Variants in MAX observed in about 807,000 individuals in gnomAD.
MAX encodes protein max.
A neutral mutation model predicts 22.3 loss-of-function variants in MAX; 3 were observed. That is an observed-to-expected ratio of 0.13 (90% CI 0.06 to 0.35). The LOEUF is 0.35. MAX is among the 10% of genes least tolerant of loss of function. The pLI is 1.00. For missense variants in MAX, 119 were observed against 209.4 expected (o/e 0.57, Z 2.66); for synonymous variants, 72 against 77.7 (o/e 0.93, Z 0.39).
intron 2 of MAX, chr14:65,094,347 T>C (rs2063600548): frequency 5.7e-6 from 1 of 174,998 alleles, no homozygotes; most frequent in African/African-American, 2.4e-5. Flanking sequence ...TCTCACCAAA[T>C]CATACAACAG....
chr14:65,037,402 CCTTT>C (rs2062219327), intron 3 of MAX, among the ~76,000 whole-genome samples: 589 of 14,526 alleles, frequency 0.041, 255 homozygotes, highest in South Asian at 0.15. Context: ...CACGCCGGGC[CCTTT>C]TTTTTTTTTT....
chr14:65,074,223 T>C (rs762583261), downstream of MAX, among the ~76,000 whole-genome samples: 1 of 152,248 alleles, frequency 6.6e-6, no homozygotes, highest in Non-Finnish European at 1.5e-5. Context: ...TTGAGGGCTT[T>C]AGGCAATAAG....
rs1016375993 is a variant in MAX, at chr14:65,076,765, G to T, written c.296-102C>A. The T allele has an allele frequency of 1.4e-6, 2 of 1,413,428 alleles. No individual in the cohort carries two copies. Among genetic ancestry groups the T allele is most frequent in the East Asian group, 2.3e-5 (1 of 43,784 alleles). 87.6% of individuals were successfully genotyped at this position (1,413,428 alleles called of 1,614,324 possible). ...GCCTGTTCTTCCTAAGGGCTTGCTT[G>T]TTGGCCCCCGAGGCTCAAGATGCTC... On this transcript the variant is annotated intron_variant, in intron 4 of 4. Transcript: ENST00000358664. The surrounding 1 kb of genome is among the most constrained non-coding windows in gnomAD (Gnocchi z 6.6).
chr14:65,037,736 T>C (rs1595070036), intron 3 of MAX, among the ~76,000 whole-genome samples: 2 of 74,942 alleles, frequency 2.7e-5, no homozygotes, highest in East Asian at 1.0e-3. Flanking sequence ...CTTATTTATT[T>C]ATTTATTATT....
chr14:65,092,662 A>T (rs1566620659), intron 3 of MAX, among the ~76,000 whole-genome samples: 1 of 152,234 alleles, frequency 6.6e-6, no homozygotes, highest in African/African-American at 2.4e-5. Flanking sequence ...TATAAAGGTC[A>T]GAACTTCTCC....
chr14:65,014,645 C>G lies in MAX; in HGVS notation c.172-8361G>C, dbSNP rs1290656919. On this transcript the variant is annotated intron_variant, in intron 3 of 3. Coordinates refer to the MAX transcript ENST00000341653. This position sits in a 1 kb window ranked among gnomAD's most constrained non-coding sequence, Gnocchi z 5.1. ...CCTGGGCAACATAGTGGGATGCTGT[C>G]TCTATAAAAACTTAAAAAATTAGCC... is the stretch of plus-strand genomic sequence containing the variant. Among the ~76,000 whole-genome samples the G allele has an allele frequency of 6.6e-6, 1 of 152,102 alleles. No individual in the cohort carries two copies. Among genetic ancestry groups the G allele is most frequent in the Non-Finnish European group, 1.5e-5 (1 of 68,032 alleles).
intron 3 of MAX, among the ~76,000 whole-genome samples, chr14:65,024,468 GTCTC>G (rs1181911070): frequency 1.3e-5 from 2 of 152,158 alleles, no homozygotes; most frequent in Admixed American, 6.5e-5. Flanking sequence ...GCAGGACTGG[GTCTC>G]TGTATTCTTT....
intron 3 of MAX, among the ~76,000 whole-genome samples, chr14:65,036,512 T>C (rs1314854700): frequency 1.3e-5 from 2 of 151,986 alleles, no homozygotes; most frequent in African/African-American, 4.8e-5. Context: ...GCTGGGATTA[T>C]AGGCGTGAGC....
In MAX at chr14:65,062,261, T is replaced by G. The variant is rs1271907511; in HGVS notation, c.171+31447A>C. 6 of 152,274 alleles carry G rather than the reference T, an allele frequency of 3.9e-5. No individual in the cohort carries two copies. The highest frequency in any genetic ancestry group is 8.8e-5 in the Non-Finnish European group (6 of 68,054). The allele number at this position is 152,274 out of a possible 1,614,324, so 9.4% of individuals were successfully genotyped here. On this transcript the variant is annotated intron_variant, in intron 3 of 3. Coordinates refer to the MAX transcript ENST00000341653. The surrounding 1 kb of genome is among the most constrained non-coding windows in gnomAD (Gnocchi z 4.3). ...ATTAACACTACTAAGTCTTTCACCT[T>G]AACTTATGACTCAGGATTTATTCAC...
intron 3 of MAX, chr14:65,083,698 C>G: frequency 9.6e-7 from 1 of 1,037,504 alleles, no homozygotes; most frequent in South Asian, 4.2e-5. Context: ...CCCCTAAGAA[C>G]CAAAATGCCA....
rs2063414348 is a variant in MAX, at chr14:65,088,765, T to C, written c.171+4943A>G. Among the ~76,000 whole-genome samples, 1 of 152,218 alleles carries C rather than the reference T, an allele frequency of 6.6e-6. No individual in the cohort carries two copies. Among genetic ancestry groups the C allele is most frequent in the South Asian group, 2.1e-4 (1 of 4,830 alleles). ...CTCCCTGCCTTCACGGTACTTATTG[T>C]AGTGTAGTGCCAGCAGACAGTCATT... On this transcript the variant is annotated intron_variant, in intron 3 of 4. Transcript: ENST00000358664. This position sits in a 1 kb window ranked among gnomAD's most constrained non-coding sequence, Gnocchi z 5.2.
Position 65,093,571 on chromosome 14 carries a change from C to T in MAX, c.171+137G>A. The T allele has an allele frequency of 2.9e-6, 2 of 701,594 alleles. No individual in the cohort carries two copies. Among genetic ancestry groups the T allele is most frequent in the Non-Finnish European group, 5.3e-6 (2 of 378,802 alleles). The allele number at this position is 701,594 out of a possible 1,614,324, so 43.5% of individuals were successfully genotyped here. On this transcript the variant is annotated intron_variant, in intron 3 of 4. Coordinates refer to ENST00000358664, the MANE Select transcript of MAX (RefSeq NM_002382.5). The surrounding 1 kb of genome is among the most constrained non-coding windows in gnomAD (Gnocchi z 4.4). Reference sequence around the variant, plus strand: ...GTAAGGTGTGCAGTGATCCTCCAAACAGTCAAAAATAAGGCAACCATGCTA... The same window carrying T: ...GTAAGGTGTGCAGTGATCCTCCAAATAGTCAAAAATAAGGCAACCATGCTA...
At chr14:65,094,511 C>T (rs1383127919) in intron 2 of MAX, among the ~76,000 whole-genome samples, 2 of 152,250 alleles carry the variant, frequency 1.3e-5, no homozygotes, top group African/African-American at 2.4e-5. Context: ...CAGTGCCTGA[C>T]AGGCAGTTCT....
rs746912890 is a variant in MAX, at chr14:65,102,279, G to A, written c.36+25C>T. The stretch of plus-strand genomic sequence containing the variant: ...CTGTCCCCGCCTGACAACCCGCACG[G>A]GAAGGAAGAAGCCCCAGGACTCACG... On this transcript the variant is annotated intron_variant, in intron 1 of 4. Transcript: ENST00000358664. The A allele has an allele frequency of 1.5e-5, 25 of 1,613,386 alleles. No homozygotes were observed. The East Asian group carries it at 2.5e-4, about 16-fold the overall frequency.
intron 3 of MAX, chr14:65,040,681 G>C: frequency 7.9e-7 from 1 of 1,260,162 alleles, no homozygotes; most frequent in African/African-American, 1.6e-5. Flanking sequence ...AGTTGTGATG[G>C]TTCACACCTT....
chr14:65,071,187 G>A (rs1009926736), downstream of MAX, among the ~76,000 whole-genome samples: 1 of 152,112 alleles, frequency 6.6e-6, no homozygotes. This position sits in a 1 kb window ranked among gnomAD's most constrained non-coding sequence, Gnocchi z 4.2. Flanking sequence ...TGTCACCCAG[G>A]CTGGAGTGCA....
In MAX at chr14:65,023,190, C is replaced by T. The variant is rs1444036068; in HGVS notation, c.172-16906G>A. Among the ~76,000 whole-genome samples the T allele has an allele frequency of 6.6e-6, 1 of 152,146 alleles. No homozygotes were observed. Among genetic ancestry groups the T allele is most frequent in the African/African-American group, 2.4e-5 (1 of 41,402 alleles). Reference sequence around the variant, plus strand: ...CCTCCCACCTCAGCCTCCTGAGTAGCTGGGGCTAGAGGTGGGTGCCAACGT... The same window carrying T: ...CCTCCCACCTCAGCCTCCTGAGTAGTTGGGGCTAGAGGTGGGTGCCAACGT... On this transcript the variant is annotated intron_variant, in intron 3 of 3. Transcript: ENST00000341653. This position sits in a 1 kb window ranked among gnomAD's most constrained non-coding sequence, Gnocchi z 4.1.
At chr14:65,102,073 G>T (rs1233310760) in intron 1 of MAX, among the ~76,000 whole-genome samples, 1 of 152,172 alleles carries the variant, frequency 6.6e-6, no homozygotes, top group African/African-American at 2.4e-5. Flanking sequence ...GGGAGGAGGT[G>T]GGGGTCCCAG....
intron 3 of MAX, among the ~76,000 whole-genome samples, chr14:65,013,654 T>G (rs1254080664): frequency 1.3e-5 from 2 of 152,178 alleles, no homozygotes; most frequent in Non-Finnish European, 2.9e-5. Context: ...TTCAAGCGAT[T>G]CTCTTGCCTC....
Sources: gnomAD v4.1 joint callset for allele counts (sites outside exome capture counted in the v4.1 genomes callset) on GRCh38, gnomAD v4.1.1 for gene constraint, Gnocchi (gnomAD v3.1) non-coding constraint, MANE v1.5 for transcripts, NCBI Gene and HGNC (gene_info 2026-07-23, HGNC 2026-07-21) for gene names.